TRPM7: variants seen among roughly 807,000 people sequenced by gnomAD.
TRPM7 encodes the protein transient receptor potential cation channel subfamily M member 7.
Under a neutral mutation model 229.7 loss-of-function variants are expected in TRPM7, and 134 were observed. The ratio of observed to expected loss-of-function variants is 0.58; its 90% CI spans 0.51 to 0.67. The LOEUF is 0.67. Ranked by LOEUF, TRPM7 falls within the 30% of genes least tolerant of loss-of-function variation. The pLI is 0.00. For synonymous variants in TRPM7, 699 were observed against 715.2 expected (o/e 0.98, Z 0.36); for missense variants, 1,901 against 2,210.0 (o/e 0.86, Z 2.80).
At position 50,599,094 on chromosome 15, in the gene TRPM7, G is replaced by T. The variant is rs1015880060; in HGVS notation, c.3163+28C>A. 5 of 1,509,156 alleles carry T rather than the reference G, an allele frequency of 3.3e-6. No individual in the cohort carries two copies. The Admixed American group carries it at 8.1e-5, about 24-fold the overall frequency. 93.5% of individuals were successfully genotyped at this position (1,509,156 alleles called of 1,614,324 possible). ...GTTTTAAAACACAAAATAACCAAAAGATAAATCTGTAAATATACAATTCTT... is the reference window on the plus strand; with the variant it reads ...GTTTTAAAACACAAAATAACCAAAATATAAATCTGTAAATATACAATTCTT... On this transcript the variant is annotated intron_variant, in intron 22 of 38. Transcript: ENST00000646667.
intron 14 of TRPM7, 27 bp from the exon 15 acceptor site, chr15:50,613,868 A>G: frequency 6.2e-7 from 1 of 1,601,662 alleles, no homozygotes; most frequent in Non-Finnish European, 8.5e-7. Flanking sequence ...ATTAGCTTTT[A>G]TAGATTTAAA....
chr15:50,594,392 T>C (rs1254348029), intron 24 of TRPM7, 37 bp downstream of exon 24: 1 of 1,509,250 alleles, frequency 6.6e-7, no homozygotes, highest in Admixed American at 2.0e-5. Flanking sequence ...TGAGAAGTGA[T>C]AAAATGAAAA....
intron 3 of TRPM7, among the ~76,000 whole-genome samples, chr15:50,655,313 A>G (rs1450075109): frequency 6.6e-6 from 1 of 151,078 alleles, no homozygotes; most frequent in Non-Finnish European, 1.5e-5. Flanking sequence ...TGCGTCTGTA[A>G]TCCCAGCTAC....
At chr15:50,601,173 G>T (rs1290086417) in intron 21 of TRPM7, among the ~76,000 whole-genome samples, 1 of 152,286 alleles carries the variant, frequency 6.6e-6, no homozygotes, top group Admixed American at 6.5e-5. Context: ...ACGCAAATCT[G>T]TATTGACGTA....
intron 1 of TRPM7, among the ~76,000 whole-genome samples, chr15:50,679,379 C>T (rs1251950275): frequency 6.7e-6 from 1 of 148,586 alleles, no homozygotes; most frequent in African/African-American, 2.5e-5. Context: ...GTTCACACTG[C>T]GAGTAAGCCA....
intron 1 of TRPM7, among the ~76,000 whole-genome samples, chr15:50,670,455 G>T (rs918444401): frequency 1.3e-5 from 2 of 152,066 alleles, no homozygotes; most frequent in African/African-American, 2.4e-5. Flanking sequence ...CCAAAACCAA[G>T]ATGGCAACAG....
chr15:50,637,284 C>A, intron 7 of TRPM7, 138 bp downstream of exon 7: 1 of 743,308 alleles, frequency 1.3e-6, no homozygotes. Flanking sequence ...TGTCTAAGAT[C>A]AACCACTGTT....
At chr15:50,586,776 T>C (rs1261863733) in intron 27 of TRPM7, among the ~76,000 whole-genome samples, 1 of 152,148 alleles carries the variant, frequency 6.6e-6, no homozygotes, top group African/African-American at 2.4e-5. Flanking sequence ...CCCAGCACTT[T>C]GGGAGGTCGA....
intron 27 of TRPM7, 23 bp from the exon 28 acceptor site, chr15:50,586,511 T>C: frequency 6.6e-7 from 1 of 1,505,830 alleles, no homozygotes; most frequent in Non-Finnish European, 9.2e-7. Flanking sequence ...TGCAGACATA[T>C]AATTTGAAAA....
In TRPM7 at chr15:50,592,083, T is replaced by C; in HGVS notation, c.4152A>G (p.Leu1384=). 1.9e-6 allele frequency: 3 copies of C among 1,611,244 alleles called. No individual in the cohort carries two copies. Among genetic ancestry groups the C allele is most frequent in the Non-Finnish European group, 2.5e-6 (3 of 1,179,374 alleles). ...LLKIFNKNQK[L]GSSSTSIPHL... The stretch of plus-strand genomic sequence containing the variant: ...GTGGTATGCTAGTAGATGAACTGCC[T>C]AATTTTTGATTTTTATTAAATATTT... The change falls in exon 26 of 39, where the codon TTA becomes TTG. Residue 1384 remains leucine, a synonymous_variant. Transcript: ENST00000646667.
At chr15:50,617,287 A>G (rs1021258826) in intron 13 of TRPM7, among the ~76,000 whole-genome samples, 2 of 151,382 alleles carry the variant, frequency 1.3e-5, no homozygotes, top group Non-Finnish European at 2.9e-5. Context: ...GTTAGCCAAA[A>G]TCGCGCCAAC....
chr15:50,675,340 T>C (rs538492512), intron 1 of TRPM7, among the ~76,000 whole-genome samples: 2 of 151,000 alleles, frequency 1.3e-5, no homozygotes, highest in South Asian at 4.2e-4. Flanking sequence ...CAAAATTCCA[T>C]TTCAAAAAAA....
chr15:50,566,209 CAATT>C (rs772954879), intron 38 of TRPM7, among the ~76,000 whole-genome samples: 1 of 151,836 alleles, frequency 6.6e-6, no homozygotes, highest in African/African-American at 2.4e-5. Flanking sequence ...AGCAAGAAAT[CAATT>C]AAAGACATTT....
At chr15:50,608,742 A>T (rs2059986895) in intron 19 of TRPM7, among the ~76,000 whole-genome samples, 2 of 152,220 alleles carry the variant, frequency 1.3e-5, no homozygotes, top group South Asian at 4.1e-4. Context: ...TGAAAATGAA[A>T]AAATCTCCCC....
In TRPM7 at chr15:50,673,634, G is replaced by GTATA. The variant is rs35356193; in HGVS notation, c.4-10592_4-10589dup. On this transcript the variant is annotated intron_variant, in intron 1 of 38. Coordinates refer to ENST00000646667, the MANE Select transcript of TRPM7 (RefSeq NM_017672.6). ...TTTTATGGCTGAGAAGTATTCCCTC[G>GTATA]TATATATATATATATACCACAGTTT... Among the ~76,000 whole-genome samples the GTATA allele has an allele frequency of 8.4e-3, 1,271 of 150,416 alleles. 19 individuals carry two copies. Among genetic ancestry groups the GTATA allele is most frequent in the African/African-American group, 0.028 (1,159 of 41,008 alleles).
Position 50,631,449 on chromosome 15 carries a change from A to G in TRPM7, c.1172T>C (p.Ile391Thr), listed in dbSNP as rs775502953. The change falls in exon 10 of 39, where the codon ATA becomes ACA. Residue 391 changes from isoleucine to threonine, a missense_variant. Around this residue, in one of 8 missense-constraint regions of TRPM7, gnomAD observed 794 missense variants for 881.9 expected, o/e 0.90. Transcript: ENST00000646667. The stretch of plus-strand genomic sequence containing the variant: ...CAGTGCAGTAAGTATTGCTACATCT[A>G]TATCTTGATGTTCATCTGACCCAAT... ...FHIGSDEHQD[I>T]DVAILTALLK... 42 of 1,610,688 alleles carry G rather than the reference A, an allele frequency of 2.6e-5. 1 individual carries two copies. The highest frequency in any genetic ancestry group is 1.6e-4 in the Middle Eastern group (1 of 6,068).
At chr15:50,608,174 A>G (rs564105172) in intron 19 of TRPM7, among the ~76,000 whole-genome samples, 1 of 152,304 alleles carries the variant, frequency 6.6e-6, no homozygotes, top group African/African-American at 2.4e-5. Context: ...AAAAAGTGGA[A>G]AAAATGTGAA....
chr15:50,617,131 AAAATAAATAAAT>A (rs201318883), intron 13 of TRPM7, among the ~76,000 whole-genome samples: 8,600 of 137,306 alleles, frequency 0.063, 391 homozygotes, highest in African/African-American at 0.11. Flanking sequence ...CTCTACCAAA[AAAATAAATAAAT>A]AAATAAATAA....
Position 50,557,294 on chromosome 15 carries a change from T to C in TRPM7, c.*4384A>G, listed in dbSNP as rs2053175624. 6.6e-6 allele frequency: 1 copy of C among 152,212 alleles called. No homozygotes were observed. Among genetic ancestry groups the C allele is most frequent in the Non-Finnish European group, 1.5e-5 (1 of 68,044 alleles). The allele number at this position is 152,212 out of a possible 1,614,324, so 9.4% of individuals were successfully genotyped here. On this transcript the variant is annotated 3_prime_UTR_variant, in exon 39 of 39. Transcript: ENST00000646667. ...GAAAAACATTTTGTCATTCAGATTT[T>C]TTTTTCTTACAGTATGCCCATCACA...
Sources: allele counts gnomAD v4.1 joint callset (sites outside exome capture counted in the v4.1 genomes callset), GRCh38; gene constraint gnomAD v4.1.1; regional missense constraint gnomAD v4.1.1; transcripts MANE v1.5; gene names NCBI Gene and HGNC (gene_info 2026-07-23, HGNC 2026-07-21).